GRM7: variants seen among roughly 807,000 people sequenced by gnomAD.
The protein encoded by GRM7 is glutamate metabotropic receptor 7, also known as metabotropic glutamate receptor 7.
In GRM7, 35 loss-of-function variants were observed where a neutral mutation model predicts 84.5. That is an observed-to-expected ratio of 0.41 (90% CI 0.32 to 0.55). The LOEUF is 0.55. Ranked by LOEUF, GRM7 falls within the 20% of genes least tolerant of loss-of-function variation. The pLI, the probability that GRM7 is intolerant of heterozygous loss-of-function variation, is 0.19. For synonymous variants in GRM7, 487 were observed against 455.1 expected, an observed-to-expected ratio of 1.07 and a Z score of -0.89; for missense variants, 1,003 against 1,194.6, an observed-to-expected ratio of 0.84 and a Z score of 2.36.
chr3:7,592,244 G>A lies in GRM7; in HGVS notation c.2451+12887G>A, dbSNP rs1695820960. On this transcript the variant is annotated intron_variant, in intron 8 of 9. Coordinates refer to ENST00000357716, the MANE Select transcript of GRM7 (RefSeq NM_000844.4). ...TAAATGAAATATAAGGAGAATATCAGACTGTGGCAAATATAAAAAAAAAAG... is the reference window on the plus strand; with the variant it reads ...TAAATGAAATATAAGGAGAATATCAAACTGTGGCAAATATAAAAAAAAAAG... Among the ~76,000 whole-genome samples, 2 of 151,946 alleles carry A rather than the reference G, an allele frequency of 1.3e-5. 1 individual carries two copies. Among genetic ancestry groups the A allele is most frequent in the South Asian group, 4.1e-4 (2 of 4,824 alleles).
intron 2 of GRM7, among the ~76,000 whole-genome samples, chr3:7,189,708 A>G (rs1297589337): frequency 2.0e-5 from 3 of 152,210 alleles, no homozygotes; most frequent in African/African-American, 7.2e-5. Flanking sequence ...AATTTAAAAT[A>G]TGTACCTATA....
At chr3:7,095,315 C>T (rs1035208449) in intron 1 of GRM7, among the ~76,000 whole-genome samples, 1 of 152,180 alleles carries the variant, frequency 6.6e-6, no homozygotes, top group East Asian at 1.9e-4. Flanking sequence ...TTGACTACAT[C>T]TGTAAACTCA....
intron 1 of GRM7, among the ~76,000 whole-genome samples, chr3:7,037,592 A>G (rs574992698): frequency 2.0e-5 from 3 of 152,230 alleles, no homozygotes; most frequent in Non-Finnish European, 2.9e-5. Context: ...GATATAAAAT[A>G]TTTTTCCACA....
chr3:7,107,918 C>T (rs186583748), intron 1 of GRM7, among the ~76,000 whole-genome samples: 20 of 151,796 alleles, frequency 1.3e-4, no homozygotes, highest in Non-Finnish European at 2.9e-4. Context: ...GAAAAAAAGA[C>T]GAGAAAAGAG....
intron 1 of GRM7, among the ~76,000 whole-genome samples, chr3:7,032,508 T>C (rs1056071958): frequency 2.0e-5 from 3 of 152,172 alleles, no homozygotes; most frequent in South Asian, 2.1e-4. Context: ...CAGCCAGAAG[T>C]GTACTTGGAG....
intron 1 of GRM7, among the ~76,000 whole-genome samples, chr3:6,979,483 T>C (rs1694116516): frequency 6.6e-6 from 1 of 152,198 alleles, no homozygotes; most frequent in South Asian, 2.1e-4. Flanking sequence ...ATGGCAATCA[T>C]AGTAATGCAC....
chr3:7,695,251 GA>G (rs1312515184), intron 9 of GRM7, among the ~76,000 whole-genome samples: 2 of 152,176 alleles, frequency 1.3e-5, no homozygotes, highest in African/African-American at 4.8e-5. Flanking sequence ...TACTGGAGCA[GA>G]AAAACATAGC....
chr3:7,307,704 C>T (rs1700243057), intron 4 of GRM7, among the ~76,000 whole-genome samples: 1 of 152,192 alleles, frequency 6.6e-6, no homozygotes, highest in African/African-American at 2.4e-5. Context: ...AAAAGATTGC[C>T]TATCTTACAA....
At chr3:7,277,198 C>T (rs1282992937) in intron 2 of GRM7, among the ~76,000 whole-genome samples, 1 of 151,930 alleles carries the variant, frequency 6.6e-6, no homozygotes, top group Non-Finnish European at 1.5e-5. Context: ...AGACTTTATC[C>T]TTTCACACTT....
intron 7 of GRM7, among the ~76,000 whole-genome samples, chr3:7,573,607 C>A (rs1356897246): frequency 6.6e-6 from 1 of 152,182 alleles, no homozygotes; most frequent in Non-Finnish European, 1.5e-5. Flanking sequence ...TCTGCACATT[C>A]CTTGCGGAGT....
At chr3:7,058,849 A>C (rs2124966380) in intron 1 of GRM7, among the ~76,000 whole-genome samples, 1 of 151,958 alleles carries the variant, frequency 6.6e-6, no homozygotes, top group Admixed American at 6.6e-5. Context: ...AAAGAGGCAA[A>C]GGCAGAGGAG....
chr3:7,434,719 A>C (rs1575330167), intron 5 of GRM7, among the ~76,000 whole-genome samples: 2 of 152,188 alleles, frequency 1.3e-5, no homozygotes, highest in South Asian at 4.1e-4. Flanking sequence ...TATTATACCT[A>C]TTTTTAATCA....
At chr3:7,584,919 G>T (rs1695440114) in intron 8 of GRM7, among the ~76,000 whole-genome samples, 1 of 152,148 alleles carries the variant, frequency 6.6e-6, no homozygotes, top group Admixed American at 6.5e-5. Context: ...GGCAAAGAAA[G>T]AGAACTCTCA....
chr3:7,567,537 C>T (rs1694359838), intron 7 of GRM7, among the ~76,000 whole-genome samples: 1 of 151,830 alleles, frequency 6.6e-6, no homozygotes, highest in African/African-American at 2.4e-5. Context: ...TGCATGAGGC[C>T]AGGAGTTTGA....
intron 4 of GRM7, among the ~76,000 whole-genome samples, chr3:7,311,991 A>T (rs1041684987): frequency 6.6e-6 from 1 of 152,182 alleles, no homozygotes; most frequent in Non-Finnish European, 1.5e-5. Context: ...AGAAATGTCC[A>T]TGATTTCTCC....
intron 9 of GRM7, among the ~76,000 whole-genome samples, chr3:7,727,023 TTTTGA>T (rs1702155938): frequency 6.6e-6 from 1 of 152,062 alleles, no homozygotes; most frequent in Non-Finnish European, 1.5e-5. Flanking sequence ...GCTTTTAAAA[TTTTGA>T]TTTATTTTCT....
chr3:7,019,863 A>G (rs1695714358), intron 1 of GRM7, among the ~76,000 whole-genome samples: 1 of 152,248 alleles, frequency 6.6e-6, no homozygotes, highest in African/African-American at 2.4e-5. Flanking sequence ...CAGAAAAACA[A>G]TAACAACTAT....
At chr3:7,268,409 T>C (rs898175190) in intron 2 of GRM7, among the ~76,000 whole-genome samples, 4 of 152,028 alleles carry the variant, frequency 2.6e-5, no homozygotes, top group African/African-American at 9.7e-5. Flanking sequence ...TGAGCCATGA[T>C]TGAGCCACTG....
intron 1 of GRM7, among the ~76,000 whole-genome samples, chr3:6,963,224 A>G (rs1275503479): frequency 6.6e-6 from 1 of 152,226 alleles, no homozygotes; most frequent in Non-Finnish European, 1.5e-5. Context: ...ATTATTTGCC[A>G]AAATAGAACC....
Sources: allele counts gnomAD v4.1 joint callset (sites outside exome capture counted in the v4.1 genomes callset), GRCh38; gene constraint gnomAD v4.1.1; transcripts MANE v1.5; gene names NCBI Gene and HGNC (gene_info 2026-07-23, HGNC 2026-07-21).